Variants in LINGO2 observed in about 807,000 individuals in gnomAD.
LINGO2 encodes leucine rich repeat and Ig domain containing 2.
A neutral mutation model predicts 30.6 loss-of-function variants in LINGO2; 14 were observed. That is an observed-to-expected ratio of 0.46 (90% confidence interval 0.30 to 0.72). The LOEUF is 0.72. LINGO2 is among the 30% of genes least tolerant of loss of function. LINGO2 has a pLI of 0.07. For missense variants in LINGO2, 729 were observed against 751.7 expected (o/e 0.97, Z 0.35); for synonymous variants, 317 against 288.5 (o/e 1.10, Z -1.00).
intron 1 of LINGO2, among the ~76,000 whole-genome samples, chr9:28,647,850 A>G (rs1412204554): frequency 6.8e-6 from 1 of 146,912 alleles, no homozygotes; most frequent in Non-Finnish European, 1.5e-5. Context: ...GTCAGCCATT[A>G]TTGACAATAA....
intron 4 of LINGO2, among the ~76,000 whole-genome samples, chr9:28,086,402 T>C (rs145924291): frequency 5.9e-5 from 9 of 152,232 alleles, no homozygotes; most frequent in Admixed American, 5.2e-4. Flanking sequence ...CTTTACAAGA[T>C]AAGTAGCCAA....
At chr9:28,470,935 A>G (rs1416584593) in intron 2 of LINGO2, among the ~76,000 whole-genome samples, 1 of 148,150 alleles carries the variant, frequency 6.7e-6, no homozygotes, top group Non-Finnish European at 1.5e-5. Context: ...GTAATATATA[A>G]CATATATATT....
At chr9:28,023,066 G>A (rs1823213158) in intron 4 of LINGO2, among the ~76,000 whole-genome samples, 1 of 151,862 alleles carries the variant, frequency 6.6e-6, no homozygotes, top group Non-Finnish European at 1.5e-5. Context: ...GTGTTATTGT[G>A]TATTTTCTAC....
chr9:29,169,148 A>G, the LINGO2 span, among the ~76,000 whole-genome samples: 1 of 152,032 alleles, frequency 6.6e-6, no homozygotes, highest in African/African-American at 2.4e-5. Context: ...GGGTTTCACC[A>G]TGCTGGCCAG....
the LINGO2 span, among the ~76,000 whole-genome samples, chr9:28,797,355 TATATAGAGAGAGAG>T: frequency 6.7e-5 from 4 of 59,296 alleles, no homozygotes; most frequent in African/African-American, 1.3e-4. Context: ...TATATATATA[TATATAGAGAGAGAG>T]AGAGAGAGAG....
the LINGO2 span, among the ~76,000 whole-genome samples, chr9:28,838,634 CATTCTCCTATAT>C: frequency 5.3e-5 from 8 of 152,180 alleles, no homozygotes; most frequent in Admixed American, 4.6e-4. Flanking sequence ...CTCTTTCTCT[CATTCTCCTATAT>C]ATTCTCCTAT....
At chr9:28,591,244 C>A (rs947562518) in intron 1 of LINGO2, among the ~76,000 whole-genome samples, 7 of 151,864 alleles carry the variant, frequency 4.6e-5, no homozygotes, top group East Asian at 1.9e-4. Flanking sequence ...ACCAACATGG[C>A]ACATGTATAC....
chr9:28,397,991 C>T (rs1229840560), intron 2 of LINGO2, among the ~76,000 whole-genome samples: 6 of 152,250 alleles, frequency 3.9e-5, no homozygotes, highest in African/African-American at 1.2e-4. Context: ...ATGTCATTTA[C>T]GTTCAGTAGC....
At chr9:27,952,068 T>TC (rs1473148211) in intron 5 of LINGO2, among the ~76,000 whole-genome samples, 2 of 152,058 alleles carry the variant, frequency 1.3e-5, no homozygotes, top group Non-Finnish European at 2.9e-5. Context: ...GGCAAAACTA[T>TC]CATTATTCAC....
At chr9:28,187,394 G>A (rs1035999800) in intron 4 of LINGO2, among the ~76,000 whole-genome samples, 13 of 151,884 alleles carry the variant, frequency 8.6e-5, no homozygotes, top group Middle Eastern at 3.2e-3. Flanking sequence ...AGAGGCTGAG[G>A]CAGGAGAATC....
intron 4 of LINGO2, among the ~76,000 whole-genome samples, chr9:28,111,076 G>C (rs1217962540): frequency 1.3e-5 from 2 of 152,098 alleles, no homozygotes; most frequent in African/African-American, 4.8e-5. Context: ...ATGAGTTCAT[G>C]TCCTTTGCAT....
intron 5 of LINGO2, among the ~76,000 whole-genome samples, chr9:27,973,035 C>G (rs950369645): frequency 6.6e-6 from 1 of 152,114 alleles, no homozygotes; most frequent in Non-Finnish European, 1.5e-5. Flanking sequence ...TATGGGAGCT[C>G]CTTGTTCTCA....
chr9:28,943,099 C>G, the LINGO2 span, among the ~76,000 whole-genome samples: 1 of 152,262 alleles, frequency 6.6e-6, no homozygotes, highest in African/African-American at 2.4e-5. Context: ...TTCTGCTAGT[C>G]AGAAAATGCA....
intron 2 of LINGO2, among the ~76,000 whole-genome samples, chr9:28,471,572 T>G (rs890348041): frequency 1.2e-4 from 19 of 152,104 alleles, no homozygotes; most frequent in African/African-American, 4.6e-4. Flanking sequence ...ATAGCACCAT[T>G]CTTACCAGTT....
At chr9:28,941,541 C>T in the LINGO2 span, among the ~76,000 whole-genome samples, 112,391 of 151,932 alleles carry the variant, frequency 0.74, 41,721 homozygotes, top group Non-Finnish European at 0.78. Context: ...TACAATTGTT[C>T]TCACTTCTCA....
At chr9:28,153,630 T>C (rs1828057928) in intron 4 of LINGO2, among the ~76,000 whole-genome samples, 2 of 152,178 alleles carry the variant, frequency 1.3e-5, no homozygotes, top group South Asian at 4.1e-4. Flanking sequence ...ACTTCAGAAA[T>C]TTCCCATTTC....
chr9:28,849,841 T>G, the LINGO2 span, among the ~76,000 whole-genome samples: 1 of 152,024 alleles, frequency 6.6e-6, no homozygotes, highest in Non-Finnish European at 1.5e-5. Flanking sequence ...AGCTGGCCTT[T>G]TATGTTCCCA....
At chr9:29,154,399 G>A in the LINGO2 span, among the ~76,000 whole-genome samples, 3 of 148,366 alleles carry the variant, frequency 2.0e-5, no homozygotes, top group Non-Finnish European at 4.4e-5. Context: ...GCAGTGGGCG[G>A]AGATCGCGCC....
chr9:29,020,866 T>C, the LINGO2 span, among the ~76,000 whole-genome samples: 9 of 152,122 alleles, frequency 5.9e-5, no homozygotes, highest in Non-Finnish European at 8.8e-5. Flanking sequence ...GAAAATATGG[T>C]TGCAACAGGC....
Sources: allele counts gnomAD v4.1 joint callset (sites outside exome capture counted in the v4.1 genomes callset), GRCh38; gene constraint gnomAD v4.1.1; transcripts MANE v1.5; gene names NCBI Gene and HGNC (gene_info 2026-07-23, HGNC 2026-07-21).